The following MYO7A variants were observed in gnomAD, a reference collection of about 807,000 sequenced individuals.
MYO7A encodes the protein unconventional myosin-VIIa.
A neutral mutation model predicts 263.8 loss-of-function variants in MYO7A; 210 were observed. That is an observed-to-expected ratio of 0.80 (90% CI 0.71 to 0.89). The LOEUF (loss-of-function observed/expected upper bound fraction) is 0.89. Ranked by LOEUF, MYO7A falls within the 40% of genes least tolerant of loss-of-function variation. The pLI, the probability that MYO7A is intolerant of heterozygous loss-of-function variation, is 0.00. For missense variants in MYO7A, 2,820 were observed against 2,968.3 expected, an observed-to-expected ratio of 0.95 and a Z score of 1.16; for synonymous variants, 1,239 against 1,197.3, an observed-to-expected ratio of 1.03 and a Z score of -0.72.
At chr11:77,133,151 C>T (rs1386808451) in intron 2 of MYO7A, among the ~76,000 whole-genome samples, 1 of 152,134 alleles carries the variant, frequency 6.6e-6, no homozygotes, top group African/African-American at 2.4e-5. Context: ...GCCTTCTGCC[C>T]TCCCTGGGAG....
chr11:77,141,569 G>A (rs533018096), intron 2 of MYO7A, among the ~76,000 whole-genome samples: 1 of 152,286 alleles, frequency 6.6e-6, no homozygotes, highest in East Asian at 1.9e-4. Context: ...ATCTAAGCTT[G>A]TATCCCAAGG....
chr11:77,175,791 A>G (rs549938343), intron 18 of MYO7A, among the ~76,000 whole-genome samples: 1 of 152,250 alleles, frequency 6.6e-6, no homozygotes, highest in South Asian at 2.1e-4. Context: ...TCATTTTCCC[A>G]TCTGTAAATT....
intron 7 of MYO7A, 124 bp downstream of exon 7, chr11:77,157,128 C>G: frequency 6.9e-7 from 1 of 1,451,902 alleles, no homozygotes; most frequent in Non-Finnish European, 9.4e-7. Flanking sequence ...CTGCCTGCTT[C>G]CCTCTGTGCT....
chr11:77,162,170 T>C lies in MYO7A; in HGVS notation c.1394T>C (p.Phe465Ser). ...GCCAATGAGCACCTGCAGCAGTTCTTTGTGCGGCACGTGTTCAAGCTGGAG... is the reference window on the plus strand; with the variant it reads ...GCCAATGAGCACCTGCAGCAGTTCTCTGTGCGGCACGTGTTCAAGCTGGAG... ...NFANEHLQQF[F>S]VRHVFKLEQE... The change falls in exon 13 of 49, where the codon TTT becomes TCT. Residue 465 changes from phenylalanine to serine, a missense_variant. Phe to Ser is a radical substitution (Grantham distance 155). Transcript: ENST00000409709. The C allele has an allele frequency of 6.2e-7, 1 of 1,603,766 alleles. No individual in the cohort carries two copies. Among genetic ancestry groups the C allele is most frequent in the Non-Finnish European group, 8.5e-7 (1 of 1,175,224 alleles).
At chr11:77,158,226 G>T in intron 8 of MYO7A, 51 bp from the exon 9 acceptor site, 2 of 1,515,732 alleles carry the variant, frequency 1.3e-6, no homozygotes, top group East Asian at 4.8e-5. Flanking sequence ...CTGCCCCTCT[G>T]GGGGTACACT....
intron 32 of MYO7A, among the ~76,000 whole-genome samples, chr11:77,196,365 T>TG (rs1956663467): frequency 1.2e-5 from 1 of 81,748 alleles, no homozygotes; most frequent in Non-Finnish European, 2.3e-5. Flanking sequence ...AGACTCCTTC[T>TG]CAAAAAAAAA....
rs1450840465 is a variant in MYO7A, at chr11:77,212,652, G to A, written c.6355-300G>A. The A allele has an allele frequency of 1.5e-5, 7 of 481,436 alleles. 1 individual carries two copies. The highest frequency in any genetic ancestry group is 7.8e-5 in the African/African-American group (4 of 51,496). 29.8% of individuals were successfully genotyped at this position (481,436 alleles called of 1,614,324 possible). ...CCTTTTGAGGAGCTTGGCTGTGCGA[G>A]GAGAACAGGTAGGTAGCTGGAGGCA... is the stretch of plus-strand genomic sequence containing the variant. On this transcript the variant is annotated intron_variant, in intron 46 of 48. Transcript: ENST00000409709.
intron 31 of MYO7A, chr11:77,194,039 T>C (rs1388718795): frequency 1.8e-6 from 1 of 558,224 alleles, no homozygotes; most frequent in South Asian, 1.5e-5. Context: ...CAGGGCTGAG[T>C]GTGCAGTGGC....
intron 42 of MYO7A, among the ~76,000 whole-genome samples, 158 bp downstream of exon 42, chr11:77,207,560 G>A (rs1957535054): frequency 1.3e-5 from 2 of 152,188 alleles, no homozygotes; most frequent in South Asian, 4.1e-4. Context: ...CTTACATGGA[G>A]TGGCTGCCCC....
At chr11:77,168,027 G>C (rs1236841455) in intron 15 of MYO7A, among the ~76,000 whole-genome samples, 1 of 152,150 alleles carries the variant, frequency 6.6e-6, no homozygotes, top group African/African-American at 2.4e-5. Context: ...CTGTACTGCT[G>C]AGACGGGCGT....
rs368705036 is a variant in MYO7A, at chr11:77,190,078, G to A, written c.3689G>A (p.Arg1230His). ...GGCTACGCCCCGTACTGTGAGGAGC[G>A]CCTGAGAAGGACCTTTGTCAATGGG... The part of the protein sequence containing the change: ...PPGYAPYCEE[R>H]LRRTFVNGTR... Residue 1230 changes from arginine to histidine, a missense_variant, in exon 29 of 49, where the codon CGC (arginine) becomes CAC (histidine). Transcript: ENST00000409709. 1.3e-4 allele frequency: 204 copies of A among 1,578,562 alleles called. No individual in the cohort carries two copies. Among genetic ancestry groups the A allele is most frequent in the Non-Finnish European group, 1.7e-4 (192 of 1,162,872 alleles).
chr11:77,161,186 C>T (rs1431664134), intron 12 of MYO7A, 71 bp downstream of exon 12: 2 of 1,581,172 alleles, frequency 1.3e-6, no homozygotes, highest in African/African-American at 1.3e-5. Flanking sequence ...ACGTCTCTCC[C>T]TTGCGAAGCA....
intron 47 of MYO7A, 65 bp from the exon 48 acceptor site, chr11:77,213,795 A>G (rs1468446784): frequency 8.7e-6 from 14 of 1,610,338 alleles, no homozygotes; most frequent in Non-Finnish European, 1.2e-5. Context: ...CTGTGAGGGC[A>G]TGTGTGGGCA....
rs977071445 is a variant in MYO7A, at chr11:77,138,732, C to T, written c.19-3977C>T. ...CACCTCCAGGTGCACAGAGGGACCC[C>T]CAGCCATAGTTTATGGACTGGCTGA... On this transcript the variant is annotated intron_variant, in intron 2 of 48. Transcript: ENST00000409709. The surrounding 1 kb of genome is among the most constrained non-coding windows in gnomAD (Gnocchi z 4.9). Among the ~76,000 whole-genome samples the T allele has an allele frequency of 1.3e-5, 2 of 152,178 alleles. No homozygotes were observed. Among genetic ancestry groups the T allele is most frequent in the Non-Finnish European group, 2.9e-5 (2 of 68,038 alleles).
intron 9 of MYO7A, 145 bp from the exon 10 acceptor site, chr11:77,159,302 A>G: frequency 1.5e-6 from 1 of 671,936 alleles, no homozygotes; most frequent in Non-Finnish European, 2.6e-6. Flanking sequence ...TGACCTGGGG[A>G]AGCATTTAGT....
intron 15 of MYO7A, among the ~76,000 whole-genome samples, chr11:77,172,414 T>C (rs1954182512): frequency 1.3e-5 from 2 of 152,258 alleles, no homozygotes; most frequent in South Asian, 4.1e-4. Context: ...GGGATGAGAC[T>C]CAGGGGCTGC....
chr11:77,189,013 A>G lies in MYO7A; in HGVS notation c.3504-331A>G, dbSNP rs868990865. On this transcript the variant is annotated intron_variant, in intron 27 of 48. Coordinates refer to ENST00000409709, the MANE Select transcript of MYO7A (RefSeq NM_000260.4). ...GGTTAGGAACGAGGCAGAGGCGGGG[A>G]CTGTGCTTCTCATTAGCATGGTCAC... is the stretch of plus-strand genomic sequence containing the variant. Among the ~76,000 whole-genome samples, 955 of 152,166 alleles carry G rather than the reference A, an allele frequency of 6.3e-3. 13 individuals are homozygous for G. Among genetic ancestry groups the G allele is most frequent in the African/African-American group, 0.021 (893 of 41,538 alleles).
intron 2 of MYO7A, 139 bp downstream of exon 2, chr11:77,130,791 C>A (rs1284632839): frequency 2.1e-6 from 2 of 950,914 alleles, no homozygotes; most frequent in African/African-American, 1.6e-5. Flanking sequence ...GCCCTCCAGG[C>A]TGAGGCCTAG....
chr11:77,137,955 A>G (rs1284759177), intron 2 of MYO7A, among the ~76,000 whole-genome samples: 1 of 152,208 alleles, frequency 6.6e-6, no homozygotes, highest in Admixed American at 6.5e-5. Context: ...GTTCTAGTCC[A>G]TAACATCCTC....
Sources: gnomAD v4.1 joint callset for allele counts (sites outside exome capture counted in the v4.1 genomes callset) on GRCh38, gnomAD v4.1.1 for gene constraint, Gnocchi (gnomAD v3.1) non-coding constraint, MANE v1.5 for transcripts, NCBI Gene and HGNC (gene_info 2026-07-23, HGNC 2026-07-21) for gene names.